SCMH1: variants seen among roughly 807,000 people sequenced by gnomAD.
SCMH1 encodes polycomb protein SCMH1.
In SCMH1, 37 loss-of-function variants were observed where a neutral mutation model predicts 70.8. The observed-to-expected ratio is 0.52, with a 90% CI of 0.40 to 0.69. The LOEUF is 0.69. SCMH1 is among the 30% of genes least tolerant of loss of function. The probability of loss-of-function intolerance (pLI) is 0.00; values close to 1 mark genes in which losing one functional copy is unlikely to be tolerated. For synonymous variants in SCMH1, 292 were observed against 307.4 expected (o/e 0.95, Z 0.52); for missense variants, 607 against 827.3 (o/e 0.73, Z 3.27).
chr1:41,158,277 C>G (rs1284131442), intron 4 of SCMH1, among the ~76,000 whole-genome samples: 4 of 152,190 alleles, frequency 2.6e-5, no homozygotes, highest in African/African-American at 9.7e-5. Context: ...TCCTTAACCT[C>G]ACAGAGCTTC....
At chr1:41,212,567 A>G (rs1052659676) in intron 1 of SCMH1, among the ~76,000 whole-genome samples, 3 of 152,210 alleles carry the variant, frequency 2.0e-5, no homozygotes, top group African/African-American at 7.2e-5. Context: ...GAGAACATCA[A>G]TCAAAGCTGA....
At chr1:41,222,363 T>C (rs1659464066) in intron 1 of SCMH1, among the ~76,000 whole-genome samples, 1 of 152,192 alleles carries the variant, frequency 6.6e-6, no homozygotes, top group South Asian at 2.1e-4. Context: ...GAAATACTCT[T>C]TTGCAAAAGT....
In SCMH1 at chr1:41,214,621, T is replaced by C. The variant is rs961586230; in HGVS notation, c.-118+27438A>G. ...AGATGGCTAGGACAACTGTTCACATTATTCTTATTAAATAGTTGCAGGATG... is the reference window on the plus strand; with the variant it reads ...AGATGGCTAGGACAACTGTTCACATCATTCTTATTAAATAGTTGCAGGATG... On this transcript the variant is annotated intron_variant, in intron 1 of 14. Coordinates refer to ENST00000337495, the Ensembl canonical transcript of SCMH1. Among the ~76,000 whole-genome samples, 3 of 152,262 alleles carry C rather than the reference T, an allele frequency of 2.0e-5. No homozygotes were observed. The East Asian group carries it at 5.8e-4, about 29-fold the overall frequency.
chr1:41,052,894 C>T (rs140969975), intron 10 of SCMH1, among the ~76,000 whole-genome samples: 146 of 147,070 alleles, frequency 9.9e-4, no homozygotes, highest in African/African-American at 3.6e-3. Flanking sequence ...CACATGGGTG[C>T]TTAAAACTCA....
intron 1 of SCMH1, among the ~76,000 whole-genome samples, chr1:41,241,857 G>C (rs1316457747): frequency 3.3e-5 from 5 of 151,844 alleles, no homozygotes; most frequent in Non-Finnish European, 7.4e-5. Context: ...TCCGGGCTCG[G>C]GGCCGGGCTG....
At chr1:41,161,466 G>T (rs1423469541) in intron 2 of SCMH1, 34 bp from the exon 3 acceptor site, 9 of 1,533,380 alleles carry the variant, frequency 5.9e-6, no homozygotes, top group Non-Finnish European at 7.9e-6. Flanking sequence ...CATGTGGAAA[G>T]AAAGTATAAG....
chr1:41,139,319 A>C (rs1643837745), intron 6 of SCMH1, among the ~76,000 whole-genome samples: 1 of 151,724 alleles, frequency 6.6e-6, no homozygotes, highest in Admixed American at 6.6e-5. Context: ...TACAATTTCC[A>C]CCTACATAAA....
At chr1:41,100,762 C>T (rs1666398026) in intron 8 of SCMH1, among the ~76,000 whole-genome samples, 1 of 152,026 alleles carries the variant, frequency 6.6e-6, no homozygotes, top group Admixed American at 6.5e-5. Context: ...GACAGGGTTT[C>T]ACCATATTGG....
chr1:41,199,426 C>T (rs76921270), intron 1 of SCMH1, among the ~76,000 whole-genome samples: 4,234 of 152,198 alleles, frequency 0.028, 89 homozygotes, highest in Non-Finnish European at 0.043. Flanking sequence ...CACTTCCTTC[C>T]ACTCAACATT....
At chr1:41,227,227 A>G (rs980854316) in intron 1 of SCMH1, among the ~76,000 whole-genome samples, 1 of 152,158 alleles carries the variant, frequency 6.6e-6, no homozygotes, top group Non-Finnish European at 1.5e-5. Context: ...TGAGTCTTGA[A>G]TATATGACAG....
Position 41,152,587 on chromosome 1 carries a change from C to T in SCMH1, c.107-903G>A, listed in dbSNP as rs761053179. 6 of 1,613,858 alleles carry T rather than the reference C, an allele frequency of 3.7e-6. No individual in the cohort carries two copies. In the African/African-American group the frequency reaches 4.0e-5, roughly 11 times the overall value. The stretch of plus-strand genomic sequence containing the variant: ...AGGTTAAACCAATTACCAGTCTCCC[C>T]CTAATACCCACCTAGAGGTGACCCC... On this transcript the variant is annotated intron_variant, in intron 4 of 14. Transcript: ENST00000337495.
chr1:41,091,415 C>T (rs1437437637), intron 8 of SCMH1, among the ~76,000 whole-genome samples: 1 of 152,000 alleles, frequency 6.6e-6, no homozygotes, highest in Non-Finnish European at 1.5e-5. Flanking sequence ...TATGACAAAC[C>T]CACAGCCAAT....
chr1:41,198,000 C>G (rs1653433728), intron 1 of SCMH1, among the ~76,000 whole-genome samples: 1 of 152,154 alleles, frequency 6.6e-6, no homozygotes, highest in South Asian at 2.1e-4. Context: ...TTGTCACTAG[C>G]TATGTAAACT....
chr1:41,160,333 T>C (rs1031188325), intron 4 of SCMH1, among the ~76,000 whole-genome samples: 16 of 152,320 alleles, frequency 1.1e-4, no homozygotes, highest in African/African-American at 3.8e-4. Flanking sequence ...GTATTAGAAC[T>C]AGTTTTATTA....
At chr1:41,034,168 C>A in intron 13 of SCMH1, 120 bp from the exon 14 acceptor site, 2 of 1,386,426 alleles carry the variant, frequency 1.4e-6, no homozygotes, top group Non-Finnish European at 9.7e-7. Context: ...GGAGCCGAGG[C>A]TAGAATCAGC....
intron 5 of SCMH1, among the ~76,000 whole-genome samples, chr1:41,149,094 AT>A (rs1244958984): frequency 6.6e-6 from 1 of 152,022 alleles, no homozygotes. Flanking sequence ...CCCAGCTGTT[AT>A]TTTTAATTTT....
chr1:41,121,752 T>TA (rs749673303), intron 6 of SCMH1, among the ~76,000 whole-genome samples: 1 of 152,186 alleles, frequency 6.6e-6, no homozygotes, highest in Non-Finnish European at 1.5e-5. Context: ...GTAAAATGAA[T>TA]AAGTTTAAGA....
rs144305509 is a variant in SCMH1, at chr1:41,046,608, G to C, written c.1307-10C>G. The C allele has an allele frequency of 1.2e-3, 1,857 of 1,612,336 alleles. 34 individuals are homozygous for C. The African/African-American group carries it at 0.022, about 19-fold the overall frequency. The stretch of plus-strand genomic sequence containing the variant: ...TCCCGGTCAAACACGGCTGTGGAGT[G>C]AGTAAACAGGGCCAAGCATGTCAGC... On this transcript the variant is annotated splice_polypyrimidine_tract_variant and intron_variant, in intron 11 of 14. Coordinates refer to ENST00000337495, the Ensembl canonical transcript of SCMH1.
intron 10 of SCMH1, among the ~76,000 whole-genome samples, chr1:41,051,836 TA>T (rs542982478): frequency 7.2e-5 from 11 of 151,764 alleles, no homozygotes; most frequent in Admixed American, 2.0e-4. Flanking sequence ...TGAAGAAAAT[TA>T]AAAAAAAATT....
Sources: allele counts gnomAD v4.1 joint callset (sites outside exome capture counted in the v4.1 genomes callset), GRCh38; gene constraint gnomAD v4.1.1; transcripts MANE v1.5; gene names NCBI Gene and HGNC (gene_info 2026-07-23, HGNC 2026-07-21).